Variants in DCHS2 observed in about 807,000 individuals in gnomAD.
DCHS2 encodes the protein protocadherin-23.
Under a neutral mutation model 182.4 loss-of-function variants are expected in DCHS2, and 142 were observed. The observed-to-expected ratio is 0.78, with a 90% CI of 0.68 to 0.89. The LOEUF (loss-of-function observed/expected upper bound fraction) is 0.89. DCHS2 is among the 40% of genes least tolerant of loss of function. The probability of loss-of-function intolerance (pLI) is 0.00; values close to 1 mark genes in which losing one functional copy is unlikely to be tolerated. For synonymous variants in DCHS2, 1,740 were observed against 1,663.3 expected (o/e 1.05, Z -1.12); for missense variants, 4,319 against 4,198.6 (o/e 1.03, Z -0.79).
chr4:154,395,111 A>C (rs1047570514), intron 1 of DCHS2, among the ~76,000 whole-genome samples: 1 of 152,176 alleles, frequency 6.6e-6, no homozygotes, highest in Non-Finnish European at 1.5e-5. Flanking sequence ...AATCTGTGTA[A>C]AGCTCCTAAC....
intron 9 of DCHS2, among the ~76,000 whole-genome samples, chr4:154,318,773 C>T (rs1054718930): frequency 1.8e-4 from 27 of 152,038 alleles, no homozygotes; most frequent in Non-Finnish European, 3.8e-4. Context: ...GTTCATACTA[C>T]CCAAACTGAT....
chr4:154,258,254 G>A (rs143829702), intron 15 of DCHS2, among the ~76,000 whole-genome samples: 9 of 152,206 alleles, frequency 5.9e-5, no homozygotes, highest in East Asian at 1.9e-4. Context: ...TATCCTGGAC[G>A]GGGTGTAGGG....
chr4:154,479,708 T>G (rs1326779449), intron 1 of DCHS2, among the ~76,000 whole-genome samples: 1 of 152,200 alleles, frequency 6.6e-6, no homozygotes, highest in African/African-American at 2.4e-5. Flanking sequence ...TGTTGTGGTA[T>G]TAAGAGTATG....
intron 10 of DCHS2, among the ~76,000 whole-genome samples, chr4:154,306,510 G>A (rs1451840640): frequency 6.6e-6 from 1 of 151,832 alleles, no homozygotes; most frequent in Admixed American, 6.6e-5. Flanking sequence ...ATAAAAATGG[G>A]AACAATATTA....
In DCHS2 at chr4:154,310,442, A is replaced by C. The variant is rs1441319872; in HGVS notation, c.5261-5211T>G. Among the ~76,000 whole-genome samples the C allele has an allele frequency of 2.0e-5, 3 of 152,182 alleles. No individual in the cohort carries two copies. In the East Asian group the frequency reaches 5.8e-4, roughly 29 times the overall value. ...GGTTGAGACATTAGGTCTTCTTTTG[A>C]ATACTATAAATAATCCAAAGCTTAA... On this transcript the variant is annotated intron_variant, in intron 10 of 19. Transcript: ENST00000357232.
intron 16 of DCHS2, among the ~76,000 whole-genome samples, chr4:154,251,022 C>G (rs964703530): frequency 6.6e-6 from 1 of 152,220 alleles, no homozygotes; most frequent in Admixed American, 6.5e-5. Flanking sequence ...GCCCCAAATC[C>G]TTTTTATTCC....
chr4:154,459,730 C>T (rs1336495305), intron 1 of DCHS2, among the ~76,000 whole-genome samples: 2 of 145,830 alleles, frequency 1.4e-5, no homozygotes, highest in African/African-American at 5.2e-5. Flanking sequence ...GCAGTATCTA[C>T]ACATTCTCTC....
At chr4:154,259,778 A>G (rs1258041992) in intron 14 of DCHS2, 22 bp from the exon 15 acceptor site, 2 of 1,576,994 alleles carry the variant, frequency 1.3e-6, no homozygotes, top group Non-Finnish European at 1.7e-6. Flanking sequence ...TCCAAGGAGA[A>G]AAAAAAGAAA....
intron 3 of DCHS2, among the ~76,000 whole-genome samples, chr4:154,355,897 CATATG>C (rs1561064262): frequency 6.6e-6 from 1 of 151,950 alleles, no homozygotes; most frequent in Non-Finnish European, 1.5e-5. Flanking sequence ...CATAATTAAG[CATATG>C]ATACTTGATA....
In DCHS2 at chr4:154,255,682, C is replaced by T. The variant is rs201764682; in HGVS notation, c.6790-12G>A. On this transcript the variant is annotated splice_polypyrimidine_tract_variant and intron_variant, in intron 15 of 19. Coordinates refer to ENST00000357232, the MANE Select transcript of DCHS2 (RefSeq NM_001358235.2). The stretch of plus-strand genomic sequence containing the variant: ...TCGGTAGCAAAAACCTGTGAGGAAC[C>T]GACTGTTTCATTAGATAAGATTTAT... The T allele has an allele frequency of 2.3e-4, 373 of 1,609,634 alleles. No individual in the cohort carries two copies. Among genetic ancestry groups the T allele is most frequent in the African/African-American group, 6.0e-4 (45 of 74,946 alleles).
Position 154,333,094 on chromosome 4 carries a change from G to C in DCHS2, c.3114C>G (p.Asn1038Lys), listed in dbSNP as rs1035118750. ...GCTGCTCGCCCGCGCCCAGGCTGCC[G>C]TTGAGGAACAGCACCCCCAGGGCTC... is the stretch of plus-strand genomic sequence containing the variant. ...IDRALGVLFLNGSLGAGEQRE... is the reference protein window; with the variant it reads ...IDRALGVLFLKGSLGAGEQRE... Residue 1038 changes from asparagine to lysine, a missense_variant, in exon 5 of 20, where the codon AAC (asparagine) becomes AAG (lysine). By Grantham distance (94) the Asn-to-Lys change is moderately conservative (BLOSUM62 0). Coordinates refer to ENST00000357232, the MANE Select transcript of DCHS2 (RefSeq NM_001358235.2). The C allele has an allele frequency of 1.9e-6, 3 of 1,614,068 alleles. No homozygotes were observed. Among genetic ancestry groups the C allele is most frequent in the African/African-American group, 1.3e-5 (1 of 75,066 alleles).
intron 3 of DCHS2, among the ~76,000 whole-genome samples, chr4:154,357,617 G>A (rs1050427153): frequency 2.0e-5 from 3 of 152,092 alleles, no homozygotes; most frequent in Non-Finnish European, 4.4e-5. Flanking sequence ...TTGCTGACCT[G>A]CCCATTGTAC....
chr4:154,254,661 A>G (rs546992067), intron 16 of DCHS2, among the ~76,000 whole-genome samples: 3 of 152,238 alleles, frequency 2.0e-5, no homozygotes, highest in African/African-American at 7.2e-5. Flanking sequence ...ATATGGTGGA[A>G]CCCCATCTCT....
chr4:154,428,913 G>C (rs1228876586), intron 1 of DCHS2, among the ~76,000 whole-genome samples: 1 of 146,626 alleles, frequency 6.8e-6, no homozygotes, highest in East Asian at 2.0e-4. Flanking sequence ...CCATCTCAAA[G>C]AAAAAAAAGG....
At position 154,363,171 on chromosome 4, in the gene DCHS2, A is replaced by G. The variant is rs6810633; in HGVS notation, c.2476+3039T>C. On this transcript the variant is annotated intron_variant, in intron 3 of 19. Transcript: ENST00000357232. The stretch of plus-strand genomic sequence containing the variant: ...CAGTATGGAGGTTCCTTTAAAAGTT[A>G]AAAATAGAACTAAAATATGATCCAG... Among the ~76,000 whole-genome samples, 1,031 of 152,302 alleles carry G rather than the reference A, an allele frequency of 6.8e-3. 11 individuals carry two copies. The highest frequency in any genetic ancestry group is 0.022 in the African/African-American group (915 of 41,570).
chr4:154,299,206 T>G (rs1188721461), intron 12 of DCHS2, among the ~76,000 whole-genome samples: 1 of 152,234 alleles, frequency 6.6e-6, no homozygotes, highest in African/African-American at 2.4e-5. Context: ...TGTTATACTA[T>G]TGCAGTAAGC....
intron 3 of DCHS2, among the ~76,000 whole-genome samples, chr4:154,358,324 C>A (rs1729965963): frequency 6.6e-6 from 1 of 152,100 alleles, no homozygotes; most frequent in African/African-American, 2.4e-5. Context: ...TGCTCTCTTG[C>A]CTGACTGTTT....
chr4:154,347,022 T>C (rs2172036), intron 3 of DCHS2, among the ~76,000 whole-genome samples: 150,455 of 151,652 alleles, frequency 0.99, 74,678 homozygotes, highest in Middle Eastern at 1. Flanking sequence ...TTAATCAATG[T>C]GATATATTCA....
At chr4:154,421,609 G>A (rs1246341932) in intron 1 of DCHS2, among the ~76,000 whole-genome samples, 2 of 152,226 alleles carry the variant, frequency 1.3e-5, no homozygotes, top group East Asian at 3.9e-4. Context: ...TGGCCAGGCT[G>A]GTCTCGAACT....
Sources: gnomAD v4.1 joint callset for allele counts (sites outside exome capture counted in the v4.1 genomes callset) on GRCh38, gnomAD v4.1.1 for gene constraint, MANE v1.5 for transcripts, NCBI Gene and HGNC (gene_info 2026-07-23, HGNC 2026-07-21) for gene names.